The following CDH13 variants were observed in gnomAD, a reference collection of about 807,000 sequenced individuals.
CDH13 encodes the protein cadherin-13.
CDH13 carries 24 observed loss-of-function variants against 63.8 expected under a neutral mutation model. That is an observed-to-expected ratio of 0.38 (90% CI 0.27 to 0.53). The LOEUF is 0.53. CDH13 is among the 20% of genes least tolerant of loss of function. The probability of loss-of-function intolerance (pLI) is 0.85; values close to 1 mark genes in which losing one functional copy is unlikely to be tolerated. For missense variants in CDH13, 1,049 were observed against 903.1 expected, an observed-to-expected ratio of 1.16 and a Z score of -2.07; for synonymous variants, 503 against 355.3, an observed-to-expected ratio of 1.42 and a Z score of -4.67.
At chr16:83,255,836 T>C (rs1407510196) in intron 5 of CDH13, among the ~76,000 whole-genome samples, 1 of 152,146 alleles carries the variant, frequency 6.6e-6, no homozygotes, top group East Asian at 1.9e-4. Flanking sequence ...GGATACTGGC[T>C]TTTAATTCCT....
chr16:83,476,412 C>G (rs892373375), intron 6 of CDH13, among the ~76,000 whole-genome samples: 5 of 152,234 alleles, frequency 3.3e-5, no homozygotes, highest in Admixed American at 2.6e-4. Flanking sequence ...GTGGCTCACA[C>G]CTGTAATCCC....
chr16:83,534,290 T>G (rs1341238183), intron 7 of CDH13, among the ~76,000 whole-genome samples: 2 of 152,236 alleles, frequency 1.3e-5, no homozygotes, highest in African/African-American at 2.4e-5. Flanking sequence ...CAGCCTGGAT[T>G]CAAATACCAG....
chr16:83,018,647 G>A (rs1222755892), intron 2 of CDH13, among the ~76,000 whole-genome samples: 1 of 152,176 alleles, frequency 6.6e-6, no homozygotes, highest in African/African-American at 2.4e-5. Flanking sequence ...TATGCTCTGA[G>A]AATGCACCAC....
intron 4 of CDH13, chr16:83,180,852 G>GT (rs748562344): frequency 0.031 from 33,338 of 1,068,680 alleles, no homozygotes; most frequent in South Asian, 0.034. Context: ...AACAAAATGT[G>GT]TTTTTTTTTT....
chr16:82,651,247 C>T (rs954389769), intron 1 of CDH13, among the ~76,000 whole-genome samples: 1 of 152,168 alleles, frequency 6.6e-6, no homozygotes, highest in Non-Finnish European at 1.5e-5. Context: ...ATATCAGGCA[C>T]CCAGCTAAGT....
At chr16:83,263,325 A>G (rs1907206300) in intron 5 of CDH13, among the ~76,000 whole-genome samples, 1 of 152,228 alleles carries the variant, frequency 6.6e-6, no homozygotes. Flanking sequence ...CATTTCCAGG[A>G]TCAGTGAATA....
intron 4 of CDH13, among the ~76,000 whole-genome samples, chr16:83,194,218 G>C (rs1199742946): frequency 6.6e-6 from 1 of 152,190 alleles, no homozygotes; most frequent in Non-Finnish European, 1.5e-5. Context: ...GGTACACATA[G>C]GGACATGCAC....
intron 6 of CDH13, among the ~76,000 whole-genome samples, chr16:83,474,897 G>C (rs2073561637): frequency 6.6e-6 from 1 of 152,196 alleles, no homozygotes; most frequent in Non-Finnish European, 1.5e-5. Context: ...GGAGCCAAGT[G>C]TTCAGTGAGC....
chr16:82,760,170 C>T (rs2034777590), intron 1 of CDH13, among the ~76,000 whole-genome samples: 1 of 152,112 alleles, frequency 6.6e-6, no homozygotes, highest in Non-Finnish European at 1.5e-5. Context: ...CAGGGCTGCT[C>T]CACACATAGG....
intron 2 of CDH13, among the ~76,000 whole-genome samples, chr16:83,001,908 G>C (rs568046738): frequency 6.6e-6 from 1 of 152,276 alleles, no homozygotes; most frequent in East Asian, 1.9e-4. Context: ...CAGGAGAGCT[G>C]TACACCTCAG....
chr16:83,304,082 T>C (rs551308337), intron 5 of CDH13, among the ~76,000 whole-genome samples: 4 of 152,330 alleles, frequency 2.6e-5, no homozygotes, highest in South Asian at 2.1e-4. Flanking sequence ...GAATTCCAAG[T>C]ACTTTTATTT....
intron 4 of CDH13, among the ~76,000 whole-genome samples, chr16:83,214,030 AT>A (rs1181080232): frequency 6.6e-6 from 1 of 152,118 alleles, no homozygotes; most frequent in East Asian, 1.9e-4. Flanking sequence ...TCAGCAGGAC[AT>A]GGGTGGGGAC....
chr16:83,460,771 A>G (rs1184880431), intron 6 of CDH13, among the ~76,000 whole-genome samples: 2 of 150,930 alleles, frequency 1.3e-5, no homozygotes, highest in African/African-American at 2.4e-5. Context: ...AGGCGGGAGG[A>G]TTGCTTTAGC....
chr16:83,442,488 C>T (rs2072507661), intron 6 of CDH13, among the ~76,000 whole-genome samples: 1 of 152,206 alleles, frequency 6.6e-6, no homozygotes, highest in African/African-American at 2.4e-5. Context: ...TTGCATGTCA[C>T]CTTGGAGAAC....
Position 82,812,865 on chromosome 16 carries a change from G to T in CDH13, c.46-45497G>T, listed in dbSNP as rs964998775. On this transcript the variant is annotated intron_variant, in intron 1 of 13. Transcript: ENST00000567109. ...TCCCTTCTTTCCTCCCTTCTTTCCT[G>T]TAGGAGATACTTTCTCATAAGGATT... 5.6e-5 allele frequency among the ~76,000 whole-genome samples: 8 copies of T among 142,276 alleles called. No homozygotes were observed. In the East Asian group the frequency reaches 1.4e-3, roughly 25 times the overall value. 93.3% of individuals were successfully genotyped at this position (142,276 alleles called of 152,430 possible). A position where few individuals can be genotyped will look rare whatever the true frequency, so the allele number is the denominator to read the frequency against.
chr16:83,562,673 C>A (rs528559520), intron 7 of CDH13, among the ~76,000 whole-genome samples: 1 of 152,172 alleles, frequency 6.6e-6, no homozygotes, highest in African/African-American at 2.4e-5. Flanking sequence ...TGGTGAAGAA[C>A]GTTTTTGATG....
chr16:82,645,631 T>C (rs1249320982), intron 1 of CDH13, among the ~76,000 whole-genome samples: 4 of 152,110 alleles, frequency 2.6e-5, no homozygotes. Context: ...AATGCATAGC[T>C]TCATACTCAC....
chr16:82,854,022 T>C (rs1044035030), intron 1 of CDH13, among the ~76,000 whole-genome samples: 1 of 152,180 alleles, frequency 6.6e-6, no homozygotes, highest in Non-Finnish European at 1.5e-5. Context: ...TCCATCCCCT[T>C]ACCAAAGTTA....
At chr16:83,411,088 C>G (rs1344241246) in intron 6 of CDH13, among the ~76,000 whole-genome samples, 5 of 152,208 alleles carry the variant, frequency 3.3e-5, no homozygotes, top group Non-Finnish European at 7.3e-5. Context: ...CACTCCAGCC[C>G]TCCTTTACAT....
Sources: allele counts gnomAD v4.1 joint callset (sites outside exome capture counted in the v4.1 genomes callset), GRCh38; gene constraint gnomAD v4.1.1; transcripts MANE v1.5; gene names NCBI Gene and HGNC (gene_info 2026-07-23, HGNC 2026-07-21).